GLRX5: variants seen among roughly 807,000 people sequenced by gnomAD.
The protein encoded by GLRX5 is glutaredoxin-related protein 5, mitochondrial.
Under a neutral mutation model 13.8 loss-of-function variants are expected in GLRX5, and 10 were observed. The observed-to-expected ratio is 0.72, with a 90% CI of 0.45 to 1.23. The LOEUF is 1.23. Ranked by LOEUF, GLRX5 falls within the 50% of genes most tolerant of loss-of-function variation. The pLI is 0.00. For synonymous variants in GLRX5, 98 were observed against 101.1 expected (o/e 0.97, Z 0.18); for missense variants, 233 against 215.2 (o/e 1.08, Z -0.52).
intron 1 of GLRX5, among the ~76,000 whole-genome samples, chr14:95,535,973 G>A (rs1161297241): frequency 3.3e-5 from 5 of 152,224 alleles, no homozygotes; most frequent in Non-Finnish European, 5.9e-5. Context: ...GGTTGGGACA[G>A]CTGTCGGCTG....
chr14:95,537,366 A>G (rs970289147), intron 1 of GLRX5, among the ~76,000 whole-genome samples: 41 of 152,238 alleles, frequency 2.7e-4, no homozygotes, highest in African/African-American at 9.2e-4. Context: ...TAACCCTTAC[A>G]TTCCTTGACC....
intron 1 of GLRX5, chr14:95,543,354 A>AAC: frequency 2.9e-6 from 1 of 342,276 alleles, no homozygotes. Flanking sequence ...AAAAAAAAAA[A>AAC]ACTCAACAAC....
chr14:95,541,981 G>T (rs564711978), intron 1 of GLRX5, among the ~76,000 whole-genome samples: 1 of 152,134 alleles, frequency 6.6e-6, no homozygotes, highest in Non-Finnish European at 1.5e-5. Flanking sequence ...TGATTCATTT[G>T]TATAAAAGGT....
intron 1 of GLRX5, among the ~76,000 whole-genome samples, chr14:95,537,253 G>A (rs564646988): frequency 2.0e-5 from 3 of 152,302 alleles, no homozygotes; most frequent in African/African-American, 4.8e-5. Context: ...GCAAAAATAC[G>A]AATATGTACT....
intron 1 of GLRX5, chr14:95,543,078 T>A (rs143123257): frequency 4.5e-4 from 204 of 456,090 alleles, no homozygotes; most frequent in African/African-American, 3.7e-3. Flanking sequence ...CACACAGGAC[T>A]GATCACATGC....
intron 1 of GLRX5, among the ~76,000 whole-genome samples, chr14:95,536,227 A>G (rs1377738665): frequency 2.0e-5 from 3 of 152,332 alleles, no homozygotes; most frequent in South Asian, 4.1e-4. Context: ...ATCTTTTCCA[A>G]GTACTCCACG....
rs1174952517 is a variant in GLRX5, at chr14:95,535,139, G to A, written c.50G>A (p.Arg17His). 5.7e-6 allele frequency: 7 copies of A among 1,233,686 alleles called. No homozygotes were observed. Among genetic ancestry groups the A allele is most frequent in the Non-Finnish European group, 5.1e-6 (5 of 984,184 alleles). 76.4% of individuals were successfully genotyped at this position (1,233,686 alleles called of 1,614,324 possible). ...RAAAALLRWG[R>H]GAGGGGLWGP... ...GCGGCGGCTCTGCTCCGCTGGGGGC[G>A]CGGCGCGGGCGGCGGTGGCCTTTGG... The change falls in exon 1 of 2, where the codon CGC (arginine) becomes CAC (histidine). Residue 17 changes from arginine (R) to histidine (H), a missense_variant. Transcript: ENST00000331334.
chr14:95,541,124 T>C (rs1047472924), intron 1 of GLRX5, among the ~76,000 whole-genome samples: 4 of 152,228 alleles, frequency 2.6e-5, no homozygotes, highest in African/African-American at 9.6e-5. Context: ...TAAAATTCAT[T>C]CTTGGATGTG....
intron 1 of GLRX5, among the ~76,000 whole-genome samples, chr14:95,538,588 T>C (rs1372393275): frequency 1.3e-5 from 2 of 152,170 alleles, no homozygotes; most frequent in African/African-American, 4.8e-5. Context: ...ACCAACACTT[T>C]GGAGGAGTAA....
At chr14:95,535,550 A>G (rs541309038) in intron 1 of GLRX5, among the ~76,000 whole-genome samples, 166 bp downstream of exon 1, 1 of 152,286 alleles carries the variant, frequency 6.6e-6, no homozygotes, top group Non-Finnish European at 1.5e-5. Flanking sequence ...CCTGGAGTAG[A>G]GTCTGGGCTG....
intron 1 of GLRX5, 72 bp downstream of exon 1, chr14:95,535,456 T>G (rs1257993072): frequency 7.1e-7 from 1 of 1,413,854 alleles, no homozygotes; most frequent in Non-Finnish European, 9.6e-7. Flanking sequence ...GCCGAGGGGT[T>G]CCGCCGCGCC....
intron 1 of GLRX5, 128 bp downstream of exon 1, chr14:95,535,512 C>A: frequency 1.1e-6 from 1 of 913,588 alleles, no homozygotes; most frequent in Non-Finnish European, 1.7e-6. Flanking sequence ...TCTGAAGGTT[C>A]GAGCCGGGTT....
chr14:95,536,747 A>G (rs541896466), intron 1 of GLRX5, among the ~76,000 whole-genome samples: 1 of 152,288 alleles, frequency 6.6e-6, no homozygotes, highest in African/African-American at 2.4e-5. Flanking sequence ...ATGGTTTTCA[A>G]ATGTATTTTT....
chr14:95,537,116 A>T (rs1337635449), intron 1 of GLRX5, among the ~76,000 whole-genome samples: 1 of 152,208 alleles, frequency 6.6e-6, no homozygotes, highest in Non-Finnish European at 1.5e-5. Context: ...CACTAGTAAA[A>T]AAGTGGTGTT....
At chr14:95,542,888 A>G (rs750784516) in intron 1 of GLRX5, 17 of 375,304 alleles carry the variant, frequency 4.5e-5, no homozygotes, top group Non-Finnish European at 6.5e-5. Context: ...TAGAAAAGGA[A>G]GTAGACTGAT....
chr14:95,540,932 G>A (rs1891463478), intron 1 of GLRX5, among the ~76,000 whole-genome samples: 1 of 152,162 alleles, frequency 6.6e-6, no homozygotes, highest in African/African-American at 2.4e-5. Flanking sequence ...TGATACTTTG[G>A]AATATGAATT....
intron 1 of GLRX5, chr14:95,543,305 G>C (rs1438504311): frequency 2.7e-6 from 1 of 365,544 alleles, no homozygotes; most frequent in Middle Eastern, 4.0e-4. Flanking sequence ...CTGTGGGACA[G>C]GGATTTTTCC....
intron 1 of GLRX5, among the ~76,000 whole-genome samples, chr14:95,539,995 T>A (rs1349253793): frequency 6.6e-6 from 1 of 152,062 alleles, no homozygotes; most frequent in Non-Finnish European, 1.5e-5. Context: ...GTTCAAGCGA[T>A]TCTCCTGCCT....
intron 1 of GLRX5, among the ~76,000 whole-genome samples, chr14:95,540,218 ATACT>A (rs1891451574): frequency 1.3e-5 from 2 of 152,122 alleles, no homozygotes; most frequent in African/African-American, 4.8e-5. Context: ...ACTTTAGGGT[ATACT>A]TAATCACTTT....
Sources: gnomAD v4.1 joint callset for allele counts (sites outside exome capture counted in the v4.1 genomes callset) on GRCh38, gnomAD v4.1.1 for gene constraint, MANE v1.5 for transcripts, NCBI Gene and HGNC (gene_info 2026-07-23, HGNC 2026-07-21) for gene names.